The following ALDH1A2 variants were observed in gnomAD, a reference collection of about 807,000 sequenced individuals.
ALDH1A2 encodes retinal dehydrogenase 2.
A neutral mutation model predicts 60.3 loss-of-function variants in ALDH1A2; 27 were observed. That is an observed-to-expected ratio of 0.45 (90% confidence interval 0.33 to 0.62). The LOEUF is 0.62. ALDH1A2 is among the 20% of genes least tolerant of loss of function. The pLI is 0.02. For missense variants in ALDH1A2, 581 were observed against 643.8 expected (o/e 0.90, Z 1.06); for synonymous variants, 289 against 232.4 (o/e 1.24, Z -2.21).
intron 1 of ALDH1A2, among the ~76,000 whole-genome samples, chr15:58,042,390 GTCA>G (rs1896538759): frequency 6.6e-6 from 1 of 151,856 alleles, no homozygotes; most frequent in Non-Finnish European, 1.5e-5. Context: ...ATGCCACTAC[GTCA>G]TCTTTACTTT....
intron 1 of ALDH1A2, among the ~76,000 whole-genome samples, chr15:58,061,119 T>A (rs931554563): frequency 7.9e-5 from 12 of 152,278 alleles, no homozygotes; most frequent in Admixed American, 3.3e-4. Context: ...CAGCAAATGA[T>A]AATTCCACAT....
Position 57,966,279 on chromosome 15 carries a change from G to T in ALDH1A2, c.799-452C>A, listed in dbSNP as rs1490742449. Reference sequence around the variant, plus strand: ...ATGCCAGGCATGCTTTTTATTACATGCTCCAAAGAGACTATCAATATTACA... The same window carrying T: ...ATGCCAGGCATGCTTTTTATTACATTCTCCAAAGAGACTATCAATATTACA... On this transcript the variant is annotated intron_variant, in intron 7 of 12. Transcript: ENST00000249750. 2.0e-5 allele frequency among the ~76,000 whole-genome samples: 3 copies of T among 152,156 alleles called. No homozygotes were observed. In the South Asian group the frequency reaches 6.2e-4, roughly 32 times the overall value.
chr15:58,016,148 T>C (rs1342974839), intron 1 of ALDH1A2, among the ~76,000 whole-genome samples: 2 of 151,520 alleles, frequency 1.3e-5, no homozygotes, highest in Non-Finnish European at 2.9e-5. Flanking sequence ...TTTTTTTTTT[T>C]TTTTTTTTTT....
chr15:57,969,281 A>G (rs543141643), intron 7 of ALDH1A2, among the ~76,000 whole-genome samples: 2 of 152,350 alleles, frequency 1.3e-5, no homozygotes, highest in Admixed American at 1.3e-4. Context: ...ATGTAAACCT[A>G]GTAGATGTTC....
intron 7 of ALDH1A2, among the ~76,000 whole-genome samples, chr15:57,976,457 C>A (rs1223047381): frequency 6.6e-6 from 1 of 152,148 alleles, no homozygotes; most frequent in Non-Finnish European, 1.5e-5. Flanking sequence ...TGATGTTCCC[C>A]TCCCTGTGTC....
At chr15:58,025,862 T>G (rs1167151218) in intron 1 of ALDH1A2, among the ~76,000 whole-genome samples, 1 of 152,092 alleles carries the variant, frequency 6.6e-6, no homozygotes, top group East Asian at 1.9e-4. Context: ...ATGCCAGACT[T>G]CTTTAAACAA....
At chr15:57,993,369 T>C (rs574135522) in intron 5 of ALDH1A2, among the ~76,000 whole-genome samples, 2 of 152,206 alleles carry the variant, frequency 1.3e-5, no homozygotes, top group African/African-American at 4.8e-5. Flanking sequence ...ACTGTTTTTA[T>C]GTTTTTTTTA....
chr15:57,992,565 A>G, intron 7 of ALDH1A2, 140 bp downstream of exon 7: 1 of 789,628 alleles, frequency 1.3e-6, no homozygotes, highest in Non-Finnish European at 2.2e-6. Flanking sequence ...GTGTTCTATG[A>G]CACCAATGTT....
chr15:58,006,470 A>G (rs568432290), intron 4 of ALDH1A2, among the ~76,000 whole-genome samples: 1 of 152,098 alleles, frequency 6.6e-6, no homozygotes, highest in East Asian at 1.9e-4. Flanking sequence ...GTACTGCTAT[A>G]GACATGCATG....
intron 1 of ALDH1A2, chr15:58,065,084 T>C: frequency 4.1e-6 from 1 of 243,014 alleles, no homozygotes; most frequent in Non-Finnish European, 8.2e-6. Context: ...CCCTCCGGGC[T>C]GTGGAGGACC....
chr15:58,008,769 A>T (rs1895538930), intron 4 of ALDH1A2, among the ~76,000 whole-genome samples: 1 of 152,128 alleles, frequency 6.6e-6, no homozygotes, highest in African/African-American at 2.4e-5. Context: ...TTCTGTACTG[A>T]TACAGGACAG....
chr15:57,959,809 T>C (rs776688206), intron 12 of ALDH1A2, among the ~76,000 whole-genome samples: 12 of 152,320 alleles, frequency 7.9e-5, no homozygotes, highest in Admixed American at 2.0e-4. Flanking sequence ...TTTATAGTTT[T>C]GCTTGGGAGC....
chr15:57,996,778 CAACAA>C (rs1455304075), intron 4 of ALDH1A2, among the ~76,000 whole-genome samples: 3 of 152,088 alleles, frequency 2.0e-5, no homozygotes, highest in South Asian at 2.1e-4. Flanking sequence ...TTCATAATTT[CAACAA>C]CACGCTATTT....
At chr15:57,990,491 T>C (rs1483130544) in intron 7 of ALDH1A2, 1 of 152,226 alleles carries the variant, frequency 6.6e-6, no homozygotes, top group East Asian at 1.9e-4. Context: ...TCTATGCAGC[T>C]GTTAAAAATA....
At chr15:58,020,274 T>G (rs564092211) in intron 1 of ALDH1A2, among the ~76,000 whole-genome samples, 1 of 152,228 alleles carries the variant, frequency 6.6e-6, no homozygotes. Context: ...AGTGCTGCAA[T>G]GAACATACGT....
intron 12 of ALDH1A2, 102 bp downstream of exon 12, chr15:57,960,668 T>C: frequency 1.0e-6 from 1 of 971,826 alleles, no homozygotes; most frequent in Non-Finnish European, 1.6e-6. Context: ...GTTTGTTGAA[T>C]GTATGGATGA....
chr15:58,005,386 T>C (rs1566945785), intron 4 of ALDH1A2, among the ~76,000 whole-genome samples: 1 of 40,714 alleles, frequency 2.5e-5, no homozygotes, highest in Non-Finnish European at 9.3e-5. Context: ...TCTTAGTTAT[T>C]TGCCTTTGTA....
chr15:58,010,099 G>A (rs1396607417), intron 4 of ALDH1A2, among the ~76,000 whole-genome samples: 1 of 152,084 alleles, frequency 6.6e-6, no homozygotes, highest in Non-Finnish European at 1.5e-5. Context: ...TAATAAAAAG[G>A]GGTTAGGATT....
chr15:58,059,993 G>C (rs941066967), intron 1 of ALDH1A2, among the ~76,000 whole-genome samples: 70 of 152,278 alleles, frequency 4.6e-4, no homozygotes, highest in African/African-American at 1.7e-3. Context: ...TATGATCTGA[G>C]CTTATTGCAA....
Sources: allele counts gnomAD v4.1 joint callset (sites outside exome capture counted in the v4.1 genomes callset), GRCh38; gene constraint gnomAD v4.1.1; transcripts MANE v1.5; gene names NCBI Gene and HGNC (gene_info 2026-07-23, HGNC 2026-07-21).